ZC3H12B: variants seen among roughly 807,000 people sequenced by gnomAD.
ZC3H12B encodes zinc finger CCCH-type containing 12B, also known as probable ribonuclease ZC3H12B.
Under a neutral mutation model 43.9 loss-of-function variants are expected in ZC3H12B, and 7 were observed. The observed-to-expected ratio is 0.16, with a 90% CI of 0.09 to 0.30. ZC3H12B has a LOEUF of 0.30. Ranked by LOEUF, ZC3H12B falls within the 10% of genes least tolerant of loss-of-function variation. The probability of loss-of-function intolerance (pLI) is 1.00; values close to 1 mark genes in which losing one functional copy is unlikely to be tolerated. For synonymous variants in ZC3H12B, 222 were observed against 241.7 expected, an observed-to-expected ratio of 0.92 and a Z score of 0.76; for missense variants, 475 against 670.2, an observed-to-expected ratio of 0.71 and a Z score of 3.22.
chrX:65,155,925 A>T, the ZC3H12B span, among the ~76,000 whole-genome samples: 1 of 110,425 alleles, frequency 9.1e-6, no homozygotes, highest in South Asian at 3.9e-4. Context: ...TAAGGTTGGA[A>T]TTATCAGTTT....
At chrX:65,387,530 G>T (rs2066545555) in intron 2 of ZC3H12B, among the ~76,000 whole-genome samples, 1 of 111,922 alleles carries the variant, frequency 8.9e-6, no homozygotes, top group Non-Finnish European at 1.9e-5. Context: ...GAGCCTATGT[G>T]TGTCTGTGCA....
chrX:65,079,290 G>A, the ZC3H12B span, among the ~76,000 whole-genome samples: 1 of 112,718 alleles, frequency 8.9e-6, no homozygotes, highest in Non-Finnish European at 1.9e-5. Context: ...GGGACCCGAG[G>A]GACCTCACTG....
chrX:65,470,102 C>A, intron 3 of ZC3H12B: 1 of 118,380 alleles, frequency 8.4e-6, no homozygotes. Context: ...CCAGCGTGTG[C>A]AGCGCCAAGT....
intron 3 of ZC3H12B, among the ~76,000 whole-genome samples, chrX:65,400,312 G>T (rs1036021163): frequency 9.0e-6 from 1 of 111,117 alleles, no homozygotes; most frequent in Non-Finnish European, 1.9e-5. Flanking sequence ...ACAACTCAGA[G>T]AATTTTAGAA....
At chrX:65,443,767 A>C (rs773570164) in intron 3 of ZC3H12B, among the ~76,000 whole-genome samples, 1 of 112,543 alleles carries the variant, frequency 8.9e-6, no homozygotes, top group Non-Finnish European at 1.9e-5. Flanking sequence ...CATTATGGAC[A>C]TATTACATTG....
intron 3 of ZC3H12B, among the ~76,000 whole-genome samples, chrX:65,406,736 CA>C (rs1224354970): frequency 8.9e-6 from 1 of 111,900 alleles, no homozygotes; most frequent in East Asian, 2.8e-4. Flanking sequence ...GCGGCGGCTG[CA>C]GGAGCAGCAG....
chrX:65,215,220 C>T, the ZC3H12B span, among the ~76,000 whole-genome samples: 1 of 111,710 alleles, frequency 9.0e-6, no homozygotes, highest in African/African-American at 3.2e-5. Flanking sequence ...TCATCAACTG[C>T]ATTAGCCCCT....
the ZC3H12B span, among the ~76,000 whole-genome samples, chrX:65,346,147 C>T: frequency 9.1e-6 from 1 of 109,780 alleles, no homozygotes; most frequent in Non-Finnish European, 1.9e-5. Flanking sequence ...ACCAAAGAAA[C>T]ACCCAAATGG....
At chrX:65,118,515 C>A in the ZC3H12B span, among the ~76,000 whole-genome samples, 1 of 111,264 alleles carries the variant, frequency 9.0e-6, no homozygotes, top group Non-Finnish European at 1.9e-5. Context: ...CAAACAGGGA[C>A]AATTTGACTT....
At chrX:65,290,897 G>T in the ZC3H12B span, among the ~76,000 whole-genome samples, 7 of 110,813 alleles carry the variant, frequency 6.3e-5, no homozygotes, top group African/African-American at 2.3e-4. Flanking sequence ...GTGTTAAAGG[G>T]TACAAACATA....
chrX:65,095,267 A>G, the ZC3H12B span, among the ~76,000 whole-genome samples: 5 of 111,978 alleles, frequency 4.5e-5, no homozygotes, highest in African/African-American at 1.6e-4. Flanking sequence ...TTACAGAATC[A>G]TGAGTTTAAA....
intron 1 of ZC3H12B, among the ~76,000 whole-genome samples, chrX:65,367,715 T>C (rs1239294715): frequency 1.8e-5 from 2 of 111,546 alleles, no homozygotes; most frequent in Non-Finnish European, 3.8e-5. Context: ...AACTTCTAAT[T>C]TTTTTCTTTT....
the ZC3H12B span, among the ~76,000 whole-genome samples, chrX:65,212,193 TAA>T: frequency 4.3e-5 from 2 of 46,765 alleles, no homozygotes; most frequent in African/African-American, 8.5e-5. Context: ...ATATATTATA[TAA>T]TATAATTATT....
intron 3 of ZC3H12B, among the ~76,000 whole-genome samples, chrX:65,483,174 CA>C (rs1159391866): frequency 1.8e-5 from 2 of 111,663 alleles, no homozygotes; most frequent in Non-Finnish European, 3.8e-5. Flanking sequence ...GATAGGCTGA[CA>C]AGAGTGCTCT....
At chrX:65,111,759 G>A in the ZC3H12B span, among the ~76,000 whole-genome samples, 1 of 109,855 alleles carries the variant, frequency 9.1e-6, no homozygotes, top group African/African-American at 3.3e-5. Context: ...CACAAACCAT[G>A]CCCATATAAG....
At chrX:65,213,712 T>C in the ZC3H12B span, among the ~76,000 whole-genome samples, 1 of 110,366 alleles carries the variant, frequency 9.1e-6, no homozygotes, top group Non-Finnish European at 1.9e-5. Flanking sequence ...ATGTTTTTTG[T>C]TTTAATGACT....
the ZC3H12B span, among the ~76,000 whole-genome samples, chrX:65,049,764 T>C: frequency 9.0e-6 from 1 of 111,664 alleles, no homozygotes; most frequent in African/African-American, 3.2e-5. Context: ...TTGGATAACA[T>C]GGACATTTTA....
intron 3 of ZC3H12B, among the ~76,000 whole-genome samples, chrX:65,400,275 G>A (rs911759117): frequency 3.6e-5 from 4 of 111,285 alleles, no homozygotes; most frequent in Admixed American, 2.9e-4. Context: ...CCATAGAGCT[G>A]GCTATGAGAA....
At chrX:65,146,322 T>C in the ZC3H12B span, among the ~76,000 whole-genome samples, 1 of 111,966 alleles carries the variant, frequency 8.9e-6, no homozygotes, top group Non-Finnish European at 1.9e-5. Context: ...GTCCATTGTT[T>C]CCTGATATTT....
Sources: allele counts gnomAD v4.1 joint callset (sites outside exome capture counted in the v4.1 genomes callset), GRCh38; gene constraint gnomAD v4.1.1; transcripts MANE v1.5; gene names NCBI Gene and HGNC (gene_info 2026-07-23, HGNC 2026-07-21).